TLCD3B: variants seen among roughly 807,000 people sequenced by gnomAD.
TLCD3B encodes the protein ceramide synthase.
A neutral mutation model predicts 23.0 loss-of-function variants in TLCD3B; 9 were observed. The ratio of observed to expected loss-of-function variants is 0.39; its 90% CI spans 0.24 to 0.68. The LOEUF is 0.68. Ranked by LOEUF, TLCD3B falls within the 30% of genes least tolerant of loss-of-function variation. The pLI is 0.44. For missense variants in TLCD3B, 307 were observed against 371.8 expected, an observed-to-expected ratio of 0.83 and a Z score of 1.43; for synonymous variants, 161 against 161.0, an observed-to-expected ratio of 1.00 and a Z score of 0.00.
chr16:30,041,963 G>A (rs555977530), intron 2 of TLCD3B, among the ~76,000 whole-genome samples: 7 of 152,242 alleles, frequency 4.6e-5, no homozygotes, highest in East Asian at 3.9e-4. Flanking sequence ...CAAGCCAAGC[G>A]GGAAAAATCT....
At chr16:30,047,615 C>A (rs536155435) in intron 1 of TLCD3B, among the ~76,000 whole-genome samples, 2 of 151,992 alleles carry the variant, frequency 1.3e-5, no homozygotes, top group African/African-American at 4.8e-5. Context: ...AGCCACCACA[C>A]CCAGCCTAAT....
Position 30,029,658 on chromosome 16 carries a change from G to T in TLCD3B, c.126-143C>A. On this transcript the variant is annotated intron_variant, in intron 1 of 4. Coordinates refer to ENST00000380495, the MANE Select transcript of TLCD3B (RefSeq NM_031478.6). The surrounding 1 kb of genome is among the most constrained non-coding windows in gnomAD (Gnocchi z 4.6). Reference sequence around the variant, plus strand: ...CTTGCCTGCCTTCGCCCAAGGCTGGGCTGCCTGAGGTGTGCCCCACCACAG... The same window carrying T: ...CTTGCCTGCCTTCGCCCAAGGCTGGTCTGCCTGAGGTGTGCCCCACCACAG... The T allele has an allele frequency of 1.4e-6, 1 of 716,834 alleles. No homozygotes were observed. 44.4% of individuals were successfully genotyped at this position (716,834 alleles called of 1,614,324 possible).
chr16:30,039,103 C>CTTTTTTTTTT lies in TLCD3B; in HGVS notation c.-67+1882_-67+1891dup, dbSNP rs1018184417. 1.3e-3 allele frequency among the ~76,000 whole-genome samples: 133 copies of CTTTTTTTTTT among 99,628 alleles called. 34 individuals carry two copies. The highest frequency in any genetic ancestry group is 2.3e-3 in the African/African-American group (57 of 24,256). 65.4% of individuals were successfully genotyped at this position (99,628 alleles called of 152,430 possible). On this transcript the variant is annotated intron_variant, in intron 3 of 6. Coordinates refer to the TLCD3B transcript ENST00000561666. Reference sequence around the variant, plus strand: ...TTATCCTTCTCCTCCTCCTTCCTCTCTTTTTTTTTTTTTTTTTTTTTTTTT... The same window carrying CTTTTTTTTTT: ...TTATCCTTCTCCTCCTCCTTCCTCTCTTTTTTTTTTTTTTTTTTTTTTTTTTTTTTTTTTT...
chr16:30,025,512 G>C lies in TLCD3B; in HGVS notation c.541-45C>G, dbSNP rs764552468. On this transcript the variant is annotated intron_variant, in intron 4 of 4. Coordinates refer to ENST00000380495, the MANE Select transcript of TLCD3B (RefSeq NM_031478.6). The surrounding 1 kb of genome is among the most constrained non-coding windows in gnomAD (Gnocchi z 4.1). ...GTGGCCACGGCAGCAGAAGGGCTCG[G>C]CCCCCCTTGGCCCTCTCCCTGCCTC... 6.2e-7 allele frequency: 1 copy of C among 1,601,954 alleles called. No individual in the cohort carries two copies. Among genetic ancestry groups the C allele is most frequent in the Non-Finnish European group, 8.5e-7 (1 of 1,174,304 alleles).
upstream of TLCD3B, among the ~76,000 whole-genome samples, chr16:30,035,824 G>A (rs1258273734): frequency 6.7e-6 from 1 of 148,356 alleles, no homozygotes. Flanking sequence ...GTGTGGTGGC[G>A]TGATCTTGGC....
At chr16:30,040,148 ATATATAT>A (rs1271076150) in intron 3 of TLCD3B, among the ~76,000 whole-genome samples, 3 of 37,668 alleles carry the variant, frequency 8.0e-5, no homozygotes, top group African/African-American at 2.2e-4. Flanking sequence ...AAAAAAAAAA[ATATATAT>A]ATATATATAT....
intron 3 of TLCD3B, among the ~76,000 whole-genome samples, chr16:30,040,147 A>ATATATATAT (rs1555475530): frequency 3.1e-5 from 3 of 95,896 alleles, no homozygotes; most frequent in Admixed American, 1.3e-4. Context: ...AAAAAAAAAA[A>ATATATATAT]ATATATATAT....
chr16:30,045,092 C>CAAAAAAAAAAAAAAA (rs1162281544), intron 2 of TLCD3B, among the ~76,000 whole-genome samples: 19 of 22,216 alleles, frequency 8.6e-4, no homozygotes, highest in East Asian at 1.3e-3. Flanking sequence ...GACTCCATCT[C>CAAAAAAAAAAAAAAA]AAAAAAAAAA....
rs1461839600 is a variant in TLCD3B at position 30,025,176 on chromosome 16, C to G, written c.*7G>C. 2 of 1,444,298 alleles carry G rather than the reference C, an allele frequency of 1.4e-6. No individual in the cohort carries two copies. Among genetic ancestry groups the G allele is most frequent in the East Asian group, 5.1e-5 (2 of 39,250 alleles). 89.5% of individuals were successfully genotyped at this position (1,444,298 alleles called of 1,614,324 possible). Reference sequence around the variant, plus strand: ...GGTGGGGAGGGGGAGGGTCCCGGCCCCCGGCCTCAGTCCTGGGCCTGGCAG... The same window carrying G: ...GGTGGGGAGGGGGAGGGTCCCGGCCGCCGGCCTCAGTCCTGGGCCTGGCAG... On this transcript the variant is annotated 3_prime_UTR_variant, in exon 5 of 5. Transcript: ENST00000380495. The surrounding 1 kb of genome is among the most constrained non-coding windows in gnomAD (Gnocchi z 4.1).
At position 30,045,726 on chromosome 16, in the gene TLCD3B, G is replaced by A. The variant is rs377645727; in HGVS notation, c.-229+597C>T. The stretch of plus-strand genomic sequence containing the variant: ...GTGTGTGTTGTGTGTGTTTGTGTGT[G>A]TGGTGTGTGTTTGTGTGTGTGTGTG... On this transcript the variant is annotated intron_variant, in intron 2 of 6. Transcript: ENST00000561666. 3.4e-3 allele frequency among the ~76,000 whole-genome samples: 518 copies of A among 150,814 alleles called. 2 individuals carry two copies. Among genetic ancestry groups the A allele is most frequent in the African/African-American group, 0.012 (506 of 40,954 alleles).
rs2071318552 is a variant in TLCD3B at position 30,030,397 on chromosome 16, G to C, written c.125+6C>G. On this transcript the variant is annotated splice_donor_region_variant and intron_variant, in intron 1 of 4. Transcript: ENST00000380495. ...ACAGGGGCTGAGGGGAAAGAAAGTG[G>C]TTTACCTGGCTGAGACAATGACTGC... The C allele has an allele frequency of 6.4e-7, 1 of 1,564,040 alleles. No individual in the cohort carries two copies. The highest frequency in any genetic ancestry group is 1.7e-4 in the Middle Eastern group (1 of 5,806).
chr16:30,035,233 C>A (rs955024970), upstream of TLCD3B: 1 of 1,144,542 alleles, frequency 8.7e-7, no homozygotes. Context: ...TTTGACTCCA[C>A]ATTCCAGCTC....
In TLCD3B at chr16:30,025,354, A is replaced by G. The variant is rs368149523; in HGVS notation, c.654T>C (p.His218=). ...GCACGGCCAGCAGGGGCAGGCCGGC[A>G]TGGCGCCCGTAGGCCCAGTACAGGT... ...FPYLYWAYGR[H]AGLPLLAVPL... The change falls in exon 5 of 5, where the codon CAT becomes CAC. Residue 218 remains histidine (H), a synonymous_variant. Transcript: ENST00000380495. This position sits in a 1 kb window ranked among gnomAD's most constrained non-coding sequence, Gnocchi z 4.1. 6.3e-7 allele frequency: 1 copy of G among 1,595,768 alleles called. No homozygotes were observed. Among genetic ancestry groups the G allele is most frequent in the Non-Finnish European group, 8.5e-7 (1 of 1,170,892 alleles).
chr16:30,035,792 T>G (rs2071460927), upstream of TLCD3B, among the ~76,000 whole-genome samples: 3 of 150,738 alleles, frequency 2.0e-5, no homozygotes, highest in South Asian at 6.3e-4. Context: ...GATGCAGTCT[T>G]ACTCTTGTTG....
At chr16:30,035,572 G>T (rs2071452811), upstream of TLCD3B, 2 of 1,213,710 alleles carry the variant, frequency 1.6e-6, no homozygotes, top group Non-Finnish European at 2.1e-6. Context: ...CCCCCAATGA[G>T]GCAAGCCCCA....
At chr16:30,046,855 A>T (rs916396782) in intron 1 of TLCD3B, among the ~76,000 whole-genome samples, 1 of 152,246 alleles carries the variant, frequency 6.6e-6, no homozygotes, top group South Asian at 2.1e-4. Context: ...CTCCTCATCA[A>T]TGAAACAGCA....
At chr16:30,040,195 G>A (rs2071559478) in intron 3 of TLCD3B, among the ~76,000 whole-genome samples, 1 of 146,910 alleles carries the variant, frequency 6.8e-6, no homozygotes, top group Non-Finnish European at 1.5e-5. Flanking sequence ...GCTGGGGTCT[G>A]AAACCAGGCA....
chr16:30,025,255 G>A lies in TLCD3B; in HGVS notation c.753C>T (p.Leu251=), dbSNP rs761481525. The part of the protein sequence containing the change: ...LLAPQLYWFF[L]ICRGACRLFW... ...AGAGGCGGCAGGCCCCACGGCAGAT[G>A]AGGAAGAACCAGTAGAGCTGAGGGG... is the stretch of plus-strand genomic sequence containing the variant. The change falls in exon 5 of 5, where the codon CTC becomes CTT. Residue 251 remains leucine, a synonymous_variant. Coordinates refer to ENST00000380495, the MANE Select transcript of TLCD3B (RefSeq NM_031478.6). The surrounding 1 kb of genome is among the most constrained non-coding windows in gnomAD (Gnocchi z 4.1). The A allele has an allele frequency of 5.9e-6, 9 of 1,535,464 alleles. No individual in the cohort carries two copies. The South Asian group carries it at 1.1e-4, about 19-fold the overall frequency.
Position 30,024,450 on chromosome 16 carries a change from T to A in TLCD3B, c.*733A>T. 1 of 641,914 alleles carries A rather than the reference T, an allele frequency of 1.6e-6. No homozygotes were observed. Among genetic ancestry groups the A allele is most frequent in the Non-Finnish European group, 2.6e-6 (1 of 378,462 alleles). The allele number at this position is 641,914 out of a possible 1,614,324, so 39.8% of individuals were successfully genotyped here. On this transcript the variant is annotated 3_prime_UTR_variant, in exon 5 of 5. Transcript: ENST00000380495. ...GGTGGCGTTCACGCAGATCGTCTTT[T>A]ATTAGCGGTCTGTAAAGCACCTCCC... is the stretch of plus-strand genomic sequence containing the variant.
Sources: gnomAD v4.1 joint callset for allele counts (sites outside exome capture counted in the v4.1 genomes callset) on GRCh38, gnomAD v4.1.1 for gene constraint, Gnocchi (gnomAD v3.1) non-coding constraint, MANE v1.5 for transcripts, NCBI Gene and HGNC (gene_info 2026-07-23, HGNC 2026-07-21) for gene names.